The following SIRT1 variants were observed in gnomAD, a reference collection of about 807,000 sequenced individuals.
SIRT1 encodes the protein sirtuin 1, also known as NAD-dependent protein deacetylase sirtuin-1.
SIRT1 carries 24 observed loss-of-function variants against 67.9 expected under a neutral mutation model. The observed-to-expected ratio is 0.35, with a 90% confidence interval of 0.26 to 0.50. The LOEUF is 0.50. Ranked by LOEUF, SIRT1 falls within the 20% of genes least tolerant of loss-of-function variation. The pLI is 0.98. For synonymous variants in SIRT1, 378 were observed against 350.7 expected, an observed-to-expected ratio of 1.08 and a Z score of -0.87; for missense variants, 873 against 937.2, an observed-to-expected ratio of 0.93 and a Z score of 0.89.
At chr10:67,904,303 AT>A (rs777747839) in intron 4 of SIRT1, among the ~76,000 whole-genome samples, 1 of 150,450 alleles carries the variant, frequency 6.6e-6, no homozygotes, top group Non-Finnish European at 1.5e-5. Context: ...AATTTTTGTG[AT>A]TTTTGTGTTT....
chr10:67,889,975 C>CTTTTTTTTTTTTTT (rs35424302), intron 3 of SIRT1, among the ~76,000 whole-genome samples: 1 of 147,364 alleles, frequency 6.8e-6, no homozygotes. Flanking sequence ...TATTATACAC[C>CTTTTTTTTTTTTTT]TTTTTTTTTT....
Position 67,887,515 on chromosome 10 carries a change from A to G in SIRT1, c.529A>G (p.Thr177Ala), listed in dbSNP as rs565217830. The change falls in exon 2 of 9, where the codon ACT (threonine) becomes GCT (alanine). Residue 177 changes from threonine (T) to alanine (A), a missense_variant. By Grantham distance (58) the Thr-to-Ala change is moderately conservative. Coordinates refer to ENST00000212015, the MANE Select transcript of SIRT1 (RefSeq NM_012238.5). ...CTCACATGCAAGCTCTAGTGACTGG[A>G]CTCCAAGGCCACGGATAGGTATGGC... ...RASHASSSDW[T>A]PRPRIGPYTF... 1.9e-6 allele frequency: 3 copies of G among 1,610,130 alleles called. No individual in the cohort carries two copies. In the African/African-American group the frequency reaches 4.0e-5, roughly 22 times the overall value.
rs558195414 is a variant in SIRT1, at chr10:67,904,895, T to G, written c.943-1895T>G. On this transcript the variant is annotated intron_variant, in intron 4 of 8. Coordinates refer to ENST00000212015, the MANE Select transcript of SIRT1 (RefSeq NM_012238.5). ...TAAAATAAAACAAAAATGTCCCTTA[T>G]GATTTGTCTTAAAGGTAGTTGAATT... 2.6e-5 allele frequency among the ~76,000 whole-genome samples: 4 copies of G among 152,060 alleles called. No individual in the cohort carries two copies. In the South Asian group the frequency reaches 8.3e-4, roughly 32 times the overall value.
At chr10:67,914,810 C>G (rs568085669) in intron 8 of SIRT1, among the ~76,000 whole-genome samples, 50 of 151,672 alleles carry the variant, frequency 3.3e-4, no homozygotes, top group African/African-American at 1.0e-3. Flanking sequence ...CGGGTTCAAG[C>G]GATTCTCCTG....
At chr10:67,890,471 G>T (rs544058602) in intron 3 of SIRT1, among the ~76,000 whole-genome samples, 3 of 152,228 alleles carry the variant, frequency 2.0e-5, no homozygotes, top group Non-Finnish European at 4.4e-5. Context: ...CTTGGCTGGT[G>T]GAGTGGCTCA....
intron 2 of SIRT1, 47 bp downstream of exon 2, chr10:67,887,580 GGTTT>G (rs1842504815): frequency 3.0e-6 from 4 of 1,323,724 alleles, no homozygotes; most frequent in South Asian, 1.2e-5. Flanking sequence ...TACGGTTTTT[GGTTT>G]GTTTGTTTTG....
chr10:67,896,102 C>G (rs367834855), intron 4 of SIRT1, among the ~76,000 whole-genome samples: 16 of 152,150 alleles, frequency 1.1e-4, no homozygotes, highest in Middle Eastern at 3.4e-3. Flanking sequence ...AGTTATTGCT[C>G]TGTTAGAGCA....
At chr10:67,887,152 G>A (rs1842496075) in intron 1 of SIRT1, among the ~76,000 whole-genome samples, 1 of 152,178 alleles carries the variant, frequency 6.6e-6, no homozygotes, top group East Asian at 1.9e-4. Context: ...AATTAGAGGC[G>A]TGAGCCACCG....
Position 67,884,689 on chromosome 10 carries a change from G to C in SIRT1, c.-33G>C. 1 of 1,227,614 alleles carries C rather than the reference G, an allele frequency of 8.1e-7. No homozygotes were observed. Among genetic ancestry groups the C allele is most frequent in the Non-Finnish European group, 1.0e-6 (1 of 985,372 alleles). 76.0% of individuals were successfully genotyped at this position (1,227,614 alleles called of 1,614,324 possible). On this transcript the variant is annotated 5_prime_UTR_variant, in exon 1 of 9. Coordinates refer to ENST00000212015, the MANE Select transcript of SIRT1 (RefSeq NM_012238.5). ...CGCGCGTCGAGCGGGAGCAGAGGAG[G>C]CGAGGGAGGAGGGCCAGAGAGGCAG...
chr10:67,907,931 CAAAA>C, intron 5 of SIRT1, 111 bp from the exon 6 acceptor site: 1 of 851,146 alleles, frequency 1.2e-6, no homozygotes, highest in Non-Finnish European at 1.8e-6. Context: ...AAAACAAAAA[CAAAA>C]ATCCTTAAAC....
intron 1 of SIRT1, chr10:67,885,454 TTTAG>T: frequency 8.7e-7 from 1 of 1,148,270 alleles, no homozygotes; most frequent in Non-Finnish European, 1.1e-6. Context: ...CTCTTACTCT[TTTAG>T]CATATTGCTT....
intron 4 of SIRT1, among the ~76,000 whole-genome samples, chr10:67,902,397 G>C (rs1485498119): frequency 6.6e-6 from 1 of 152,016 alleles, no homozygotes; most frequent in Admixed American, 6.6e-5. Context: ...TAAATGACTG[G>C]GGAAAAAATT....
In SIRT1 at chr10:67,916,708, T is replaced by G. The variant is rs199593653; in HGVS notation, c.*115T>G. Reference sequence around the variant, plus strand: ...GCAAGGAAACCAGAAAGGTGTAATATTTATAGGTTGGTAAAATAGATTGTT... The same window carrying G: ...GCAAGGAAACCAGAAAGGTGTAATAGTTATAGGTTGGTAAAATAGATTGTT... On this transcript the variant is annotated 3_prime_UTR_variant, in exon 9 of 9. Transcript: ENST00000212015. 4 of 732,186 alleles carry G rather than the reference T, an allele frequency of 5.5e-6. No homozygotes were observed. The highest frequency in any genetic ancestry group is 8.4e-6 in the Non-Finnish European group (4 of 477,988). The allele number at this position is 732,186 out of a possible 1,614,324, so 45.4% of individuals were successfully genotyped here.
In SIRT1 at chr10:67,889,069, T is replaced by C. The variant is rs201479376; in HGVS notation, c.735T>C (p.Asp245=). Residue 245 remains aspartate, a synonymous_variant, in exon 3 of 9, where the codon GAT becomes GAC. Coordinates refer to ENST00000212015, the MANE Select transcript of SIRT1 (RefSeq NM_012238.5). Reference sequence around the variant, plus strand: ...GAAAAGATATTAATACAATTGAAGATGCTGTGAAATTACTGCAAGAGTGCA... The same window carrying C: ...GAAAAGATATTAATACAATTGAAGACGCTGTGAAATTACTGCAAGAGTGCA... ...KKRKDINTIE[D]AVKLLQECKK... 1.9e-6 allele frequency: 3 copies of C among 1,609,390 alleles called. No individual in the cohort carries two copies. The highest frequency in any genetic ancestry group is 8.5e-7 in the Non-Finnish European group (1 of 1,179,714).
At chr10:67,893,700 A>G (rs1842609435) in intron 4 of SIRT1, among the ~76,000 whole-genome samples, 1 of 152,098 alleles carries the variant, frequency 6.6e-6, no homozygotes, top group African/African-American at 2.4e-5. Flanking sequence ...GCGTGCTGCC[A>G]TGCCTGGCTA....
intron 4 of SIRT1, among the ~76,000 whole-genome samples, chr10:67,895,503 T>C (rs1405887835): frequency 6.6e-6 from 1 of 152,182 alleles, no homozygotes; most frequent in Non-Finnish European, 1.5e-5. Context: ...AGAATATTCA[T>C]AGGATAACCT....
chr10:67,908,756 G>A (rs572926071), intron 6 of SIRT1, among the ~76,000 whole-genome samples: 4 of 152,234 alleles, frequency 2.6e-5, no homozygotes, highest in African/African-American at 7.2e-5. Flanking sequence ...ACAAAAATTA[G>A]CCTGGCATGG....
Position 67,887,472 on chromosome 10 carries a change from T to A in SIRT1, c.486T>A (p.Ser162Arg), listed in dbSNP as rs1460870553. ...IITNGFHSCE[S>R]DEEDRASHAS... ...CTAATGGTTTTCATTCCTGTGAAAG[T>A]GATGAGGAGGATAGAGCCTCACATG... is the stretch of plus-strand genomic sequence containing the variant. The change falls in exon 2 of 9, where the codon AGT becomes AGA. Residue 162 changes from serine to arginine, a missense_variant. By Grantham distance (110) the Ser-to-Arg change is moderately radical. Coordinates refer to ENST00000212015, the MANE Select transcript of SIRT1 (RefSeq NM_012238.5). 3.7e-6 allele frequency: 6 copies of A among 1,613,844 alleles called. No homozygotes were observed. The highest frequency in any genetic ancestry group is 4.2e-6 in the Non-Finnish European group (5 of 1,179,904).
At chr10:67,890,230 A>G (rs1554889282) in intron 3 of SIRT1, among the ~76,000 whole-genome samples, 1 of 151,880 alleles carries the variant, frequency 6.6e-6, no homozygotes, top group Non-Finnish European at 1.5e-5. Context: ...TAATTTTTGT[A>G]TTTTTAGTAG....
Sources: allele counts gnomAD v4.1 joint callset (sites outside exome capture counted in the v4.1 genomes callset), GRCh38; gene constraint gnomAD v4.1.1; transcripts MANE v1.5; gene names NCBI Gene and HGNC (gene_info 2026-07-23, HGNC 2026-07-21).